TMEM165: variants seen among roughly 807,000 people sequenced by gnomAD.
The protein encoded by TMEM165 is transmembrane protein 165, also known as putative divalent cation/proton antiporter TMEM165.
A neutral mutation model predicts 30.0 loss-of-function variants in TMEM165; 19 were observed. That is an observed-to-expected ratio of 0.63 (90% CI 0.44 to 0.93). The LOEUF (loss-of-function observed/expected upper bound fraction) is 0.93. Ranked by LOEUF, TMEM165 falls within the 40% of genes least tolerant of loss-of-function variation. The probability of loss-of-function intolerance (pLI) is 0.00; values close to 1 mark genes in which losing one functional copy is unlikely to be tolerated. For missense variants in TMEM165, 340 were observed against 417.0 expected, an observed-to-expected ratio of 0.82 and a Z score of 1.61; for synonymous variants, 168 against 162.9, an observed-to-expected ratio of 1.03 and a Z score of -0.24.
chr4:55,433,648 C>G (rs1722666921), intron 3 of TMEM165: 1 of 152,128 alleles, frequency 6.6e-6, no homozygotes, highest in African/African-American at 2.4e-5. Flanking sequence ...TCAGTAATAA[C>G]ATTTTTTATA....
At position 55,408,164 on chromosome 4, in the gene TMEM165, G is replaced by A. The variant is rs149055825; in HGVS notation, c.208-3450G>A. On this transcript the variant is annotated intron_variant, in intron 1 of 5. Transcript: ENST00000381334. The stretch of plus-strand genomic sequence containing the variant: ...AGATCTTCTATCTTCACGGTACCCC[G>A]ATACTTTTCGTTTTAAGTTCTTGTC... 3.3e-3 allele frequency among the ~76,000 whole-genome samples: 505 copies of A among 152,280 alleles called. 2 individuals are homozygous for A. Among genetic ancestry groups the A allele is most frequent in the African/African-American group, 0.011 (466 of 41,560 alleles).
At chr4:55,421,765 C>G (rs1355234887) in intron 4 of TMEM165, among the ~76,000 whole-genome samples, 1 of 152,166 alleles carries the variant, frequency 6.6e-6, no homozygotes, top group Non-Finnish European at 1.5e-5. Context: ...TAGCAGTTCC[C>G]TTTCTTCATT....
downstream of TMEM165, among the ~76,000 whole-genome samples, chr4:55,427,169 G>A (rs571067278): frequency 5.3e-5 from 8 of 152,040 alleles, no homozygotes; most frequent in African/African-American, 1.7e-4. Context: ...GAGTAGCTGG[G>A]ATTACAGGCG....
chr4:55,410,654 C>T (rs748617448), intron 1 of TMEM165, among the ~76,000 whole-genome samples: 7 of 152,228 alleles, frequency 4.6e-5, no homozygotes, highest in Non-Finnish European at 8.8e-5. Flanking sequence ...CTGGAACCAA[C>T]TCTCTATACC....
intron 3 of TMEM165, among the ~76,000 whole-genome samples, chr4:55,445,886 AC>A (rs747177046): frequency 2.0e-5 from 3 of 151,850 alleles, no homozygotes; most frequent in Admixed American, 6.6e-5. Context: ...ATGAGCCACC[AC>A]ACCCAGCTTT....
chr4:55,414,021 C>T lies in TMEM165; in HGVS notation c.433+2182C>T, dbSNP rs188054999. Among the ~76,000 whole-genome samples, 644 of 152,298 alleles carry T rather than the reference C, an allele frequency of 4.2e-3. 6 individuals are homozygous for T. Among genetic ancestry groups the T allele is most frequent in the African/African-American group, 0.015 (616 of 41,576 alleles). On this transcript the variant is annotated intron_variant, in intron 2 of 5. Coordinates refer to ENST00000381334, the MANE Select transcript of TMEM165 (RefSeq NM_018475.5). ...CGGTGGCTCACGCCTGTGATCCCAGCACTTTGGGAGGCTGAGGCAGGCGGA... is the reference window on the plus strand; with the variant it reads ...CGGTGGCTCACGCCTGTGATCCCAGTACTTTGGGAGGCTGAGGCAGGCGGA...
At chr4:55,402,888 T>C (rs376557156) in intron 1 of TMEM165, among the ~76,000 whole-genome samples, 4,193 of 136,614 alleles carry the variant, frequency 0.031, 236 homozygotes, top group African/African-American at 0.11. Context: ...GCCTCCCGGG[T>C]TCACGCCATT....
intron 4 of TMEM165, among the ~76,000 whole-genome samples, chr4:55,421,497 CA>C (rs1164635946): frequency 6.6e-6 from 1 of 151,850 alleles, no homozygotes; most frequent in Non-Finnish European, 1.5e-5. Flanking sequence ...AGGGTTTTGC[CA>C]TGTTGCAGAG....
intron 3 of TMEM165, chr4:55,448,855 T>C (rs1469027767): frequency 1.2e-6 from 2 of 1,613,502 alleles, no homozygotes; most frequent in Admixed American, 1.7e-5. Context: ...ACCAACAGAC[T>C]GGGAATTTAT....
chr4:55,418,009 T>G, intron 4 of TMEM165, 24 bp downstream of exon 4: 1 of 1,572,558 alleles, frequency 6.4e-7, no homozygotes, highest in South Asian at 1.2e-5. Flanking sequence ...GAGAGGAGAC[T>G]GTTTAAAATG....
At chr4:55,424,789 G>C (rs1722124832) in intron 5 of TMEM165, 146 bp downstream of exon 5, 1 of 587,034 alleles carries the variant, frequency 1.7e-6, no homozygotes. Flanking sequence ...TATTAATCCT[G>C]GTATTGCAAA....
intron 3 of TMEM165, among the ~76,000 whole-genome samples, chr4:55,436,892 CTT>C (rs35888413): frequency 0.061 from 5,952 of 98,334 alleles, 395 homozygotes; most frequent in African/African-American, 0.21. Flanking sequence ...TTTGGGATGC[CTT>C]TTTTTTTTTT....
chr4:55,398,601 C>G (rs1173267433), intron 1 of TMEM165, among the ~76,000 whole-genome samples: 1 of 151,988 alleles, frequency 6.6e-6, no homozygotes, highest in African/African-American at 2.4e-5. Context: ...TTTTTGGGAA[C>G]TTTATTGTGT....
At chr4:55,425,271 T>C in intron 5 of TMEM165, 105 bp from the exon 6 acceptor site, 1 of 864,556 alleles carries the variant, frequency 1.2e-6, no homozygotes, top group Non-Finnish European at 1.9e-6. Flanking sequence ...GTTAGTTTAA[T>C]AGATTGGAAG....
In TMEM165 at chr4:55,442,772, T is replaced by C. The variant is rs560509013; in HGVS notation, c.409-9467T>C. 6.6e-5 allele frequency: 52 copies of C among 790,254 alleles called. 2 individuals carry two copies. The South Asian group carries it at 7.7e-4, about 12-fold the overall frequency. The allele number at this position is 790,254 out of a possible 1,614,324, so 49.0% of individuals were successfully genotyped here. On this transcript the variant is annotated intron_variant, in intron 3 of 3. Transcript: ENST00000608091. ...AGGATATATTACTCTGGGGGAAATATAACCACAAAGGAATGACTCGTGGTA... is the reference window on the plus strand; with the variant it reads ...AGGATATATTACTCTGGGGGAAATACAACCACAAAGGAATGACTCGTGGTA...
intron 3 of TMEM165, among the ~76,000 whole-genome samples, chr4:55,446,262 GT>G (rs958171632): frequency 3.3e-5 from 5 of 151,438 alleles, no homozygotes; most frequent in African/African-American, 4.9e-5. Context: ...CCCGGCTAAT[GT>G]TTTTTTTAAG....
chr4:55,404,656 T>C (rs1721200409), intron 1 of TMEM165, among the ~76,000 whole-genome samples: 1 of 151,618 alleles, frequency 6.6e-6, no homozygotes, highest in Admixed American at 6.6e-5. Flanking sequence ...CAGGCTGGCC[T>C]CGAACTCTTG....
At chr4:55,424,756 TTACC>T (rs1290369862) in intron 5 of TMEM165, 113 bp downstream of exon 5, 4 of 697,612 alleles carry the variant, frequency 5.7e-6, no homozygotes, top group Non-Finnish European at 9.7e-6. Context: ...GTTTTTCTAA[TTACC>T]TACCATCTCT....
At chr4:55,445,507 G>A (rs1723735252) in intron 3 of TMEM165, among the ~76,000 whole-genome samples, 1 of 150,456 alleles carries the variant, frequency 6.6e-6, no homozygotes, top group Non-Finnish European at 1.5e-5. Flanking sequence ...AGTCTTCTAA[G>A]TATGTTCCTT....
Sources: gnomAD v4.1 joint callset for allele counts (sites outside exome capture counted in the v4.1 genomes callset) on GRCh38, gnomAD v4.1.1 for gene constraint, MANE v1.5 for transcripts, NCBI Gene and HGNC (gene_info 2026-07-23, HGNC 2026-07-21) for gene names.